Variants in AFG2A observed in about 807,000 individuals in gnomAD.
AFG2A encodes the protein ATPase family gene 2 protein homolog A.
chr4:123,082,504 G>T, the AFG2A span, among the ~76,000 whole-genome samples: 2 of 142,392 alleles, frequency 1.4e-5, no homozygotes, highest in Non-Finnish European at 1.5e-5. Flanking sequence ...GTGTGTCTCT[G>T]TCTCTCTCTC....
chr4:123,319,143 A>C, the AFG2A span: 1 of 152,244 alleles, frequency 6.6e-6, no homozygotes, highest in South Asian at 2.1e-4. Context: ...TGTGTAAAAC[A>C]GGTTTTAAAA....
At chr4:123,050,538 T>C in the AFG2A span, among the ~76,000 whole-genome samples, 1 of 152,220 alleles carries the variant, frequency 6.6e-6, no homozygotes, top group African/African-American at 2.4e-5. Context: ...ATTTGACTTT[T>C]CTAAATCATT....
chr4:123,007,932 T>A, the AFG2A span, among the ~76,000 whole-genome samples: 17 of 152,090 alleles, frequency 1.1e-4, no homozygotes, highest in Non-Finnish European at 2.1e-4. Flanking sequence ...GATTCAGATG[T>A]TCAGTGTCCT....
At chr4:123,060,807 G>A in the AFG2A span, among the ~76,000 whole-genome samples, 6 of 152,066 alleles carry the variant, frequency 3.9e-5, no homozygotes, top group African/African-American at 1.2e-4. Context: ...ATTTCTCCCC[G>A]GGAAATGAGT....
chr4:123,017,994 T>G, the AFG2A span, among the ~76,000 whole-genome samples: 1 of 152,366 alleles, frequency 6.6e-6, no homozygotes, highest in Non-Finnish European at 1.5e-5. Flanking sequence ...TAATTTTTAT[T>G]TTGCTGCCTT....
At chr4:123,270,344 A>G in the AFG2A span, among the ~76,000 whole-genome samples, 1 of 152,178 alleles carries the variant, frequency 6.6e-6, no homozygotes, top group African/African-American at 2.4e-5. Flanking sequence ...CTGAAAAATG[A>G]TTTATCATTG....
chr4:122,945,822 T>C, the AFG2A span, among the ~76,000 whole-genome samples: 2 of 152,232 alleles, frequency 1.3e-5, no homozygotes, highest in African/African-American at 4.8e-5. Context: ...TACTGTCTAG[T>C]GGCAGAAAGT....
the AFG2A span, among the ~76,000 whole-genome samples, chr4:123,096,130 A>G: frequency 3.3e-5 from 5 of 152,094 alleles, 1 homozygote; most frequent in Admixed American, 2.6e-4. Context: ...GTAGCACACT[A>G]GGCTGGTGAA....
chr4:123,248,510 T>C, the AFG2A span, among the ~76,000 whole-genome samples: 2 of 152,222 alleles, frequency 1.3e-5, no homozygotes, highest in Non-Finnish European at 2.9e-5. Flanking sequence ...GGCTGAGTAA[T>C]GTGAACCCAC....
the AFG2A span, among the ~76,000 whole-genome samples, chr4:123,187,712 G>A: frequency 6.6e-6 from 1 of 151,876 alleles, no homozygotes; most frequent in Admixed American, 6.6e-5. Flanking sequence ...TTGAAAAAAA[G>A]AAAACAGGCA....
chr4:123,161,543 T>A, the AFG2A span, among the ~76,000 whole-genome samples: 1 of 152,154 alleles, frequency 6.6e-6, no homozygotes, highest in African/African-American at 2.4e-5. Flanking sequence ...AGGAATGTAT[T>A]TGAAGGATGG....
At chr4:123,085,811 T>C in the AFG2A span, among the ~76,000 whole-genome samples, 3 of 152,104 alleles carry the variant, frequency 2.0e-5, no homozygotes, top group Non-Finnish European at 4.4e-5. Flanking sequence ...TAATTGAGCA[T>C]TTTATGTTAT....
the AFG2A span, among the ~76,000 whole-genome samples, chr4:123,129,268 G>A: frequency 1.3e-5 from 2 of 152,166 alleles, no homozygotes; most frequent in African/African-American, 4.8e-5. Flanking sequence ...ATGGTAAAAA[G>A]TATCTCACTG....
the AFG2A span, among the ~76,000 whole-genome samples, chr4:123,071,026 T>TAGGTA: frequency 1.3e-5 from 2 of 152,244 alleles, no homozygotes; most frequent in African/African-American, 2.4e-5. Context: ...GGTAGTTGGC[T>TAGGTA]GTCAGAAAGT....
At chr4:123,253,358 C>T in the AFG2A span, among the ~76,000 whole-genome samples, 1 of 152,072 alleles carries the variant, frequency 6.6e-6, no homozygotes. Context: ...GTGGTGGGCG[C>T]CTGTAATCCC....
At chr4:122,935,934 AT>A in the AFG2A span, 2 of 1,366,814 alleles carry the variant, frequency 1.5e-6, no homozygotes, top group Non-Finnish European at 2.0e-6. Context: ...TCTGTGTGAT[AT>A]TTTGTACACT....
chr4:123,004,197 C>T, the AFG2A span, among the ~76,000 whole-genome samples: 4 of 152,204 alleles, frequency 2.6e-5, no homozygotes, highest in Non-Finnish European at 5.9e-5. Flanking sequence ...CCCAATTTTC[C>T]AGGTGCCCTC....
At chr4:123,121,510 T>C in the AFG2A span, among the ~76,000 whole-genome samples, 2 of 152,150 alleles carry the variant, frequency 1.3e-5, no homozygotes, top group Admixed American at 6.5e-5. Flanking sequence ...AGGCATACCG[T>C]TTTTTAATCT....
chr4:123,060,067 C>G, the AFG2A span, among the ~76,000 whole-genome samples: 2 of 152,186 alleles, frequency 1.3e-5, no homozygotes, highest in Admixed American at 1.3e-4. Context: ...TGATCCATGC[C>G]TCACATCCAG....
Sources: gnomAD v4.1 joint callset for allele counts (sites outside exome capture counted in the v4.1 genomes callset) on GRCh38, gnomAD v4.1.1 for gene constraint, MANE v1.5 for transcripts, NCBI Gene and HGNC (gene_info 2026-07-23, HGNC 2026-07-21) for gene names.